DCAF12: variants seen among roughly 807,000 people sequenced by gnomAD.
DCAF12 encodes DDB1 and CUL4 associated factor 12.
A neutral mutation model predicts 52.8 loss-of-function variants in DCAF12; 28 were observed. The observed-to-expected ratio is 0.53, with a 90% CI of 0.39 to 0.73. The LOEUF is 0.73. DCAF12 is among the 30% of genes least tolerant of loss of function. The probability of loss-of-function intolerance (pLI) is 0.00; values close to 1 mark genes in which losing one functional copy is unlikely to be tolerated. For synonymous variants in DCAF12, 196 were observed against 215.5 expected, an observed-to-expected ratio of 0.91 and a Z score of 0.79; for missense variants, 425 against 552.2, an observed-to-expected ratio of 0.77 and a Z score of 2.31.
intron 3 of DCAF12, among the ~76,000 whole-genome samples, chr9:34,107,144 T>C (rs1227722454): frequency 3.9e-5 from 6 of 152,180 alleles, no homozygotes; most frequent in East Asian, 3.8e-4. Flanking sequence ...TCTCTGACTA[T>C]GGGCAGTGGG....
intron 2 of DCAF12, among the ~76,000 whole-genome samples, chr9:34,120,605 G>A (rs950988325): frequency 4.0e-5 from 6 of 150,408 alleles, no homozygotes; most frequent in Non-Finnish European, 8.8e-5. Context: ...CGGAGGCAAA[G>A]GTTACAGTGA....
Position 34,126,483 on chromosome 9 carries a change from G to C in DCAF12, c.-52C>G, listed in dbSNP as rs752372983. ...AGCCACATGGGGCGGGGGAAGCGAAGGATAGCAGGACGGCGGGTCATATAC... is the reference window on the plus strand; with the variant it reads ...AGCCACATGGGGCGGGGGAAGCGAACGATAGCAGGACGGCGGGTCATATAC... On this transcript the variant is annotated 5_prime_UTR_variant, in exon 1 of 9. Transcript: ENST00000361264. 1 of 1,577,858 alleles carries C rather than the reference G, an allele frequency of 6.3e-7. No homozygotes were observed. Among genetic ancestry groups the C allele is most frequent in the South Asian group, 1.1e-5 (1 of 88,394 alleles).
At chr9:34,118,507 G>A (rs780850203) in intron 2 of DCAF12, among the ~76,000 whole-genome samples, 5 of 152,130 alleles carry the variant, frequency 3.3e-5, no homozygotes, top group African/African-American at 7.2e-5. Context: ...TCTGTACACA[G>A]GAAACTTTCA....
chr9:34,118,323 G>A (rs973281721), intron 2 of DCAF12, among the ~76,000 whole-genome samples: 7 of 152,048 alleles, frequency 4.6e-5, no homozygotes, highest in Admixed American at 1.3e-4. Context: ...TAGTAGAGAC[G>A]GGATTTCATC....
intron 4 of DCAF12, among the ~76,000 whole-genome samples, chr9:34,098,933 A>G (rs1009168648): frequency 7.0e-6 from 1 of 143,264 alleles, no homozygotes; most frequent in Non-Finnish European, 1.5e-5. Flanking sequence ...ATGCCTGGCT[A>G]TTTTTTTTGT....
At position 34,107,460 on chromosome 9, in the gene DCAF12, C is replaced by T. The variant is rs1828922155; in HGVS notation, c.439G>A (p.Glu147Lys). 1.2e-6 allele frequency: 2 copies of T among 1,614,174 alleles called. No homozygotes were observed. The highest frequency in any genetic ancestry group is 2.2e-5 in the East Asian group (1 of 44,884). Residue 147 changes from glutamate (E) to lysine (K), a missense_variant, in exon 3 of 9, where the codon GAG (glutamate) becomes AAG (lysine). Coordinates refer to ENST00000361264, the MANE Select transcript of DCAF12 (RefSeq NM_015397.4). ...AGCAGTGTTCTAGAAGGATTCAGCT[C>T]GATGGCATGGATACCACAGCCCTGC... ...TQQGCGIHAIELNPSRTLLAT... is the reference protein window; with the variant it reads ...TQQGCGIHAIKLNPSRTLLAT...
chr9:34,088,371 G>A lies in DCAF12; in HGVS notation c.1341C>T (p.Asn447=), dbSNP rs1325524756. ...GGPLPSGLHG[N]YAGLWS is the part of the protein sequence containing the mutation. ...GTCATTAACTCCAGAGCCCAGCATA[G>A]TTTCCATGGAGCCCTGAAGGGAGGG... Residue 447 remains asparagine, a synonymous_variant, in exon 9 of 9, where the codon AAC becomes AAT. Transcript: ENST00000361264. 2 of 1,605,220 alleles carry A rather than the reference G, an allele frequency of 1.2e-6. No individual in the cohort carries two copies. Among genetic ancestry groups the A allele is most frequent in the Non-Finnish European group, 1.7e-6 (2 of 1,175,946 alleles).
rs1828561644 is a variant in DCAF12, at chr9:34,086,680, T to C, written c.*1670A>G. On this transcript the variant is annotated 3_prime_UTR_variant, in exon 9 of 9. Transcript: ENST00000361264. ...TGCTTAATTCCCTGTTTATAGCACC[T>C]ATTTCTCTAGGTTCGAAGATGAGAA... 1 of 152,224 alleles carries C rather than the reference T, an allele frequency of 6.6e-6. No homozygotes were observed. The highest frequency in any genetic ancestry group is 2.4e-5 in the African/African-American group (1 of 41,466). 9.4% of individuals were successfully genotyped at this position (152,224 alleles called of 1,614,324 possible). A position where few individuals can be genotyped will look rare whatever the true frequency, so the allele number is the denominator to read the frequency against.
At chr9:34,100,056 G>T (rs1828802252) in intron 4 of DCAF12, among the ~76,000 whole-genome samples, 1 of 151,834 alleles carries the variant, frequency 6.6e-6, no homozygotes, top group South Asian at 2.1e-4. Context: ...TAGAGACAGG[G>T]TCTCACTTTG....
At chr9:34,092,141 ACT>A (rs1381291231) in intron 7 of DCAF12, among the ~76,000 whole-genome samples, 2 of 152,276 alleles carry the variant, frequency 1.3e-5, no homozygotes, top group East Asian at 3.9e-4. Context: ...TCAGAACTAA[ACT>A]CAGTATTTTC....
intron 6 of DCAF12, among the ~76,000 whole-genome samples, chr9:34,094,908 G>A (rs897614023): frequency 1.3e-5 from 2 of 152,046 alleles, no homozygotes; most frequent in African/African-American, 4.8e-5. Flanking sequence ...ATTCATTTAT[G>A]TTTCATATAC....
intron 2 of DCAF12, among the ~76,000 whole-genome samples, chr9:34,122,808 T>C (rs1407160170): frequency 3.3e-5 from 5 of 152,200 alleles, no homozygotes; most frequent in African/African-American, 1.2e-4. Context: ...TAGGCTCAAA[T>C]TCCTACACGG....
chr9:34,095,937 T>C (rs1006529676), intron 6 of DCAF12: 8 of 152,134 alleles, frequency 5.3e-5, no homozygotes, highest in African/African-American at 1.9e-4. Context: ...AGGAAGCTTA[T>C]GCAATAGGAA....
At chr9:34,100,965 C>T (rs990365120) in intron 4 of DCAF12, among the ~76,000 whole-genome samples, 8 of 151,108 alleles carry the variant, frequency 5.3e-5, no homozygotes, top group Admixed American at 2.0e-4. Context: ...GAAAATTACA[C>T]AAAACACCAC....
At chr9:34,101,160 C>T (rs1828823555) in intron 4 of DCAF12, among the ~76,000 whole-genome samples, 2 of 151,082 alleles carry the variant, frequency 1.3e-5, no homozygotes, top group African/African-American at 4.9e-5. Flanking sequence ...TAGCCTCAAC[C>T]TCCTGGGCTT....
At chr9:34,114,385 A>C (rs1300043265) in intron 2 of DCAF12, among the ~76,000 whole-genome samples, 2 of 152,184 alleles carry the variant, frequency 1.3e-5, no homozygotes, top group African/African-American at 4.8e-5. Flanking sequence ...CAATATGGTG[A>C]AACCTTGTCT....
chr9:34,120,203 CAAAAAAAAAAAAAA>C (rs34481024), intron 2 of DCAF12, among the ~76,000 whole-genome samples: 48 of 26,226 alleles, frequency 1.8e-3, no homozygotes, highest in African/African-American at 7.7e-3. Context: ...AAGTCCGTCT[CAAAAAAAAAAAAAA>C]AAAAAAAAAA....
intron 2 of DCAF12, among the ~76,000 whole-genome samples, chr9:34,111,417 C>T (rs1197269475): frequency 6.6e-6 from 1 of 152,188 alleles, no homozygotes; most frequent in African/African-American, 2.4e-5. Context: ...ATCCCTCTAC[C>T]CACAACACTT....
At chr9:34,120,246 T>G (rs1829150820) in intron 2 of DCAF12, among the ~76,000 whole-genome samples, 1 of 132,934 alleles carries the variant, frequency 7.5e-6, no homozygotes, top group East Asian at 2.3e-4. Context: ...CCAGGTATGA[T>G]GGCATGTGAT....
Sources: gnomAD v4.1 joint callset for allele counts (sites outside exome capture counted in the v4.1 genomes callset) on GRCh38, gnomAD v4.1.1 for gene constraint, MANE v1.5 for transcripts, NCBI Gene and HGNC (gene_info 2026-07-23, HGNC 2026-07-21) for gene names.